The following KATNAL2 variants were observed in gnomAD, a reference collection of about 807,000 sequenced individuals.
KATNAL2 encodes the protein katanin catalytic subunit A1 like 2.
A neutral mutation model predicts 76.3 loss-of-function variants in KATNAL2; 52 were observed. The observed-to-expected ratio is 0.68, with a 90% CI of 0.55 to 0.86. The LOEUF is 0.86. Among genes scored for constraint, KATNAL2 ranks in the 40% least tolerant of loss-of-function variants. The pLI, the probability that KATNAL2 is intolerant of heterozygous loss-of-function variation, is 0.00. For missense variants in KATNAL2, 660 were observed against 668.9 expected (o/e 0.99, Z 0.15); for synonymous variants, 243 against 244.2 (o/e 1.00, Z 0.05).
intron 15 of KATNAL2, among the ~76,000 whole-genome samples, chr18:47,090,682 C>G (rs1258100760): frequency 1.3e-5 from 2 of 152,154 alleles, no homozygotes; most frequent in Non-Finnish European, 2.9e-5. Context: ...AGCACTTGAT[C>G]TGGGTCTATA....
intron 1 of KATNAL2, chr18:46,920,254 T>G: frequency 2.4e-6 from 1 of 413,470 alleles, no homozygotes; most frequent in South Asian, 1.8e-5. Flanking sequence ...ATCTGATTAG[T>G]ACTGAGCATT....
chr18:47,049,380 G>C (rs146473604), intron 4 of KATNAL2, among the ~76,000 whole-genome samples: 1 of 152,252 alleles, frequency 6.6e-6, no homozygotes, highest in East Asian at 1.9e-4. Flanking sequence ...GTTCAGCAAA[G>C]GACTTAAAGA....
Position 47,031,416 on chromosome 18 carries a change from T to G in KATNAL2, c.52-15041T>G, listed in dbSNP as rs138667625. Among the ~76,000 whole-genome samples, 522 of 152,248 alleles carry G rather than the reference T, an allele frequency of 3.4e-3. 1 individual carries two copies. Among genetic ancestry groups the G allele is most frequent in the Middle Eastern group, 0.01 (3 of 294 alleles). On this transcript the variant is annotated intron_variant, in intron 3 of 17. Transcript: ENST00000683218. The stretch of plus-strand genomic sequence containing the variant: ...TCGTGTGACTTTTTTTGTGTCTCTC[T>G]GTCTTTCTTTTTGTGTGTGTTGTGG...
intron 1 of KATNAL2, among the ~76,000 whole-genome samples, chr18:46,919,003 A>ATG (rs748468417): frequency 6.8e-6 from 1 of 146,062 alleles, no homozygotes; most frequent in East Asian, 2.0e-4. Context: ...GTGTATATAT[A>ATG]TATATGTGTG....
chr18:47,036,348 G>A (rs1024117252), intron 3 of KATNAL2, among the ~76,000 whole-genome samples: 1 of 152,170 alleles, frequency 6.6e-6, no homozygotes, highest in East Asian at 1.9e-4. Context: ...CAAAAACTCT[G>A]TTAGTAAGCA....
intron 8 of KATNAL2, 64 bp from the exon 9 acceptor site, chr18:47,062,908 T>C (rs545028691): frequency 7.6e-6 from 10 of 1,311,922 alleles, no homozygotes; most frequent in Admixed American, 1.8e-5. Flanking sequence ...TTAATGAAAC[T>C]GAGTTATTAA....
At chr18:46,920,063 A>G (rs2058451147) in intron 1 of KATNAL2, 2 of 1,289,516 alleles carry the variant, frequency 1.6e-6, no homozygotes, top group Non-Finnish European at 2.0e-6. Flanking sequence ...ACTTACGTGC[A>G]GTGTTCTTTG....
At chr18:47,095,268 C>T (rs144864134) in intron 15 of KATNAL2, among the ~76,000 whole-genome samples, 4 of 152,278 alleles carry the variant, frequency 2.6e-5, no homozygotes, top group Non-Finnish European at 4.4e-5. Flanking sequence ...TAAAGTTCAT[C>T]AACAATGAAG....
intron 1 of KATNAL2, among the ~76,000 whole-genome samples, chr18:46,935,105 G>A (rs1176496374): frequency 6.6e-6 from 1 of 151,790 alleles, no homozygotes; most frequent in Non-Finnish European, 1.5e-5. Flanking sequence ...ACCTACCAGA[G>A]CAACCAGAAA....
rs1198378765 is a variant in KATNAL2, at chr18:46,931,375, G to A, written c.-510+13449G>A. ...TAGAATTCAAAATTTAAAAAGGCAGGGTGTGGTGGCTCACACCTGTAATCC... is the reference window on the plus strand; with the variant it reads ...TAGAATTCAAAATTTAAAAAGGCAGAGTGTGGTGGCTCACACCTGTAATCC... On this transcript the variant is annotated intron_variant, in intron 1 of 17. Transcript: ENST00000683218. Among the ~76,000 whole-genome samples the A allele has an allele frequency of 7.9e-5, 12 of 151,840 alleles. No individual in the cohort carries two copies. In the East Asian group the frequency reaches 1.9e-3, roughly 24 times the overall value.
At chr18:46,922,771 T>G (rs2058608575) in intron 1 of KATNAL2, among the ~76,000 whole-genome samples, 1 of 151,718 alleles carries the variant, frequency 6.6e-6, no homozygotes, top group South Asian at 2.1e-4. Context: ...CATTCCAACC[T>G]GGGCAACAAA....
chr18:47,070,808 T>C (rs2061971712), intron 13 of KATNAL2, among the ~76,000 whole-genome samples: 1 of 152,240 alleles, frequency 6.6e-6, no homozygotes, highest in Non-Finnish European at 1.5e-5. Flanking sequence ...TGTAAGCTTA[T>C]GTAAATTCTT....
At chr18:47,043,237 A>AC in intron 3 of KATNAL2, among the ~76,000 whole-genome samples, 1 of 147,988 alleles carries the variant, frequency 6.8e-6, no homozygotes, top group Non-Finnish European at 1.5e-5. Flanking sequence ...AAAAAAAAAA[A>AC]AAAAAAAAGA....
rs1555834717 is a variant in KATNAL2, at chr18:46,955,140, C to CTCTCTT, written c.51+8220_51+8221insCTTTCT. Among the ~76,000 whole-genome samples the CTCTCTT allele has an allele frequency of 8.6e-3, 735 of 85,044 alleles. 8 individuals are homozygous for CTCTCTT. Among genetic ancestry groups the CTCTCTT allele is most frequent in the African/African-American group, 0.018 (394 of 22,114 alleles). The allele number at this position is 85,044 out of a possible 152,430, so 55.8% of individuals were successfully genotyped here. ...CTTTTGTCTTTCTTTCTTTCTCTCT[C>CTCTCTT]TCTTTCTTTCTTTCTTTCTTTCTTT... On this transcript the variant is annotated intron_variant, in intron 3 of 17. Coordinates refer to ENST00000683218, the MANE Select transcript of KATNAL2 (RefSeq NM_001387690.1).
intron 14 of KATNAL2, among the ~76,000 whole-genome samples, chr18:47,077,039 C>T (rs180809402): frequency 7.5e-4 from 114 of 152,194 alleles, no homozygotes; most frequent in African/African-American, 2.6e-3. Flanking sequence ...AATAATGCTG[C>T]AGGTAGACAC....
In KATNAL2 at chr18:47,063,371, G is replaced by A; in HGVS notation, c.726+10G>A. ...AGCCGTGGTGAGCCGGGTAAGATCTGATATTCAATTCACAAATTTATGGAG... is the reference window on the plus strand; with the variant it reads ...AGCCGTGGTGAGCCGGGTAAGATCTAATATTCAATTCACAAATTTATGGAG... On this transcript the variant is annotated intron_variant, in intron 10 of 17. Transcript: ENST00000683218. The A allele has an allele frequency of 6.2e-7, 1 of 1,610,888 alleles. No individual in the cohort carries two copies. The highest frequency in any genetic ancestry group is 8.5e-7 in the Non-Finnish European group (1 of 1,178,178).
intron 3 of KATNAL2, among the ~76,000 whole-genome samples, chr18:46,961,772 C>A (rs72919273): frequency 0.01 from 1,572 of 152,212 alleles, 14 homozygotes; most frequent in Non-Finnish European, 0.017. Flanking sequence ...TAGTCCAAGG[C>A]CAGTCTATTT....
chr18:47,033,402 T>G (rs1449590243), intron 3 of KATNAL2: 10 of 1,614,072 alleles, frequency 6.2e-6, no homozygotes, highest in Non-Finnish European at 8.5e-6. Flanking sequence ...TCGTTGTCAT[T>G]ACTCTCAGCC....
At chr18:46,956,260 G>A (rs530155974) in intron 3 of KATNAL2, among the ~76,000 whole-genome samples, 3 of 152,276 alleles carry the variant, frequency 2.0e-5, no homozygotes, top group African/African-American at 4.8e-5. Flanking sequence ...TAACTCATAC[G>A]ATAAACGCAA....
Sources: gnomAD v4.1 joint callset for allele counts (sites outside exome capture counted in the v4.1 genomes callset) on GRCh38, gnomAD v4.1.1 for gene constraint, MANE v1.5 for transcripts, NCBI Gene and HGNC (gene_info 2026-07-23, HGNC 2026-07-21) for gene names.